Variants in TP53INP2 observed in about 807,000 individuals in gnomAD.
TP53INP2 encodes the protein tumor protein p53-inducible nuclear protein 2.
A neutral mutation model predicts 17.1 loss-of-function variants in TP53INP2; 12 were observed. The observed-to-expected ratio is 0.70, with a 90% CI of 0.45 to 1.14. The LOEUF is 1.14. Among genes scored for constraint, TP53INP2 ranks in the 50% most tolerant of loss-of-function variants. The probability of loss-of-function intolerance (pLI) is 0.00; values close to 1 mark genes in which losing one functional copy is unlikely to be tolerated. For synonymous variants in TP53INP2, 145 were observed against 147.3 expected, an observed-to-expected ratio of 0.98 and a Z score of 0.12; for missense variants, 342 against 330.9, an observed-to-expected ratio of 1.03 and a Z score of -0.26.
At position 34,708,854 on chromosome 20, in the gene TP53INP2, G is replaced by C; in HGVS notation, c.115G>C (p.Asp39His). The C allele has an allele frequency of 6.2e-7, 1 of 1,613,262 alleles. No homozygotes were observed. Among genetic ancestry groups the C allele is most frequent in the Non-Finnish European group, 8.5e-7 (1 of 1,179,580 alleles). ...EDEVDGWLII[D>H]LPDSYAAPPS... The stretch of plus-strand genomic sequence containing the variant: ...TGAAGTGGACGGCTGGCTCATCATT[G>C]ACCTGCCGGGTGAGGCCTGGGTCTG... Residue 39 changes from aspartate to histidine, a missense_variant, in exon 3 of 5, where the codon GAC becomes CAC. Physicochemically the swap from Asp to His is moderately conservative, Grantham distance 81 (BLOSUM62 -1). Transcript: ENST00000374810.
Position 34,709,012 on chromosome 20 carries a change from G to T in TP53INP2, c.124+149G>T, listed in dbSNP as rs1428924099. ...CGGGGCCCCTTCCCATGAAAGCCGG[G>T]GCTCTCTCCTGGCGGCCCAGGAGAG... On this transcript the variant is annotated intron_variant, in intron 3 of 4. Coordinates refer to ENST00000374810, the MANE Select transcript of TP53INP2 (RefSeq NM_021202.3). The surrounding 1 kb of genome is among the most constrained non-coding windows in gnomAD (Gnocchi z 5.4). 6.4e-6 allele frequency: 9 copies of T among 1,415,104 alleles called. No individual in the cohort carries two copies. The East Asian group carries it at 1.2e-4, about 19-fold the overall frequency. The allele number at this position is 1,415,104 out of a possible 1,614,324, so 87.7% of individuals were successfully genotyped here.
Position 34,709,122 on chromosome 20 carries a change from T to C in TP53INP2, c.125-114T>C. ...GGGCGCTGCGGACGGGCTGCGGGTC[T>C]GACTAACGATGCCCTTTCTCTCCCC... On this transcript the variant is annotated intron_variant, in intron 3 of 4. Coordinates refer to ENST00000374810, the MANE Select transcript of TP53INP2 (RefSeq NM_021202.3). This position sits in a 1 kb window ranked among gnomAD's most constrained non-coding sequence, Gnocchi z 5.4. 3.5e-6 allele frequency: 5 copies of C among 1,446,010 alleles called. No individual in the cohort carries two copies. The highest frequency in any genetic ancestry group is 4.5e-6 in the Non-Finnish European group (5 of 1,103,544). 89.6% of individuals were successfully genotyped at this position (1,446,010 alleles called of 1,614,324 possible). A position where few individuals can be genotyped will look rare whatever the true frequency, so the allele number is the denominator to read the frequency against.
rs2378257 is a variant in TP53INP2, at chr20:34,710,007, A to T, written c.414-51A>T. 286 of 1,257,148 alleles carry T rather than the reference A, an allele frequency of 2.3e-4. 3 individuals carry two copies. The highest frequency in any genetic ancestry group is 6.6e-4 in the Middle Eastern group (2 of 3,014). 77.9% of individuals were successfully genotyped at this position (1,257,148 alleles called of 1,614,324 possible). A position where few individuals can be genotyped will look rare whatever the true frequency, so the allele number is the denominator to read the frequency against. On this transcript the variant is annotated intron_variant, in intron 4 of 4. Transcript: ENST00000374810. The surrounding 1 kb of genome is among the most constrained non-coding windows in gnomAD (Gnocchi z 4.9). ...GGTGGGAGATGGCAGCGCCCTCTAG[A>T]CCCCCCGCCCAGCTTACCCGGCTTG...
rs752788594 is a variant in TP53INP2 at position 34,708,776 on chromosome 20, CCCTCG to C, written c.40_44del (p.Ser14ProfsTer16). Reference sequence around the variant, plus strand: ...CCTCTCCAGCCTCTTCTTCAGCACCCCCTCGCCCCCCGAAGACCCCGACTGCCCCC... The same window carrying C: ...CCTCTCCAGCCTCTTCTTCAGCACCCCCCCCCGAAGACCCCGACTGCCCCC... On this transcript the variant is annotated frameshift_variant, in exon 3 of 5. Coordinates refer to ENST00000374810, the MANE Select transcript of TP53INP2 (RefSeq NM_021202.3). LOFTEE classifies it high-confidence loss of function. The C allele has an allele frequency of 6.2e-7, 1 of 1,601,172 alleles. No individual in the cohort carries two copies. The highest frequency in any genetic ancestry group is 8.5e-7 in the Non-Finnish European group (1 of 1,173,976).
chr20:34,709,276 CCCCGCGGGCCGCCCTCCG>C lies in TP53INP2; in HGVS notation c.172_189del (p.Gly58_Ala63del), dbSNP rs1568684768. 5 of 1,600,948 alleles carry C rather than the reference CCCCGCGGGCCGCCCTCCG, an allele frequency of 3.1e-6. No individual in the cohort carries two copies. Among genetic ancestry groups the C allele is most frequent in the Non-Finnish European group, 3.4e-6 (4 of 1,173,764 alleles). On this transcript the variant is annotated inframe_deletion, in exon 4 of 5. Coordinates refer to ENST00000374810, the MANE Select transcript of TP53INP2 (RefSeq NM_021202.3). The surrounding 1 kb of genome is among the most constrained non-coding windows in gnomAD (Gnocchi z 5.4). ...CACCCAGCCCCGGGGCCGCCCCTGC[CCCCGCGGGCCGCCCTCCG>C]CCCGCGCCCTCCTTGATGGACGAGA...
chr20:34,709,633 AG>A lies in TP53INP2; in HGVS notation c.413+114del. 1 of 1,447,156 alleles carries A rather than the reference AG, an allele frequency of 6.9e-7. No individual in the cohort carries two copies. The highest frequency in any genetic ancestry group is 9.0e-7 in the Non-Finnish European group (1 of 1,107,674). The allele number at this position is 1,447,156 out of a possible 1,614,324, so 89.6% of individuals were successfully genotyped here. ...GGGCCAGGAGCCCGCCCCGCGCTCG[AG>A]GGGGTAGCGGCCTTGGGAGGGTTGC... On this transcript the variant is annotated intron_variant, in intron 4 of 4. Transcript: ENST00000374810. This position sits in a 1 kb window ranked among gnomAD's most constrained non-coding sequence, Gnocchi z 5.4.
At position 34,712,668 on chromosome 20, in the gene TP53INP2, C is replaced by T. The variant is rs752655939; in HGVS notation, c.*2361C>T. The T allele has an allele frequency of 1.3e-5, 2 of 152,536 alleles. No homozygotes were observed. The highest frequency in any genetic ancestry group is 2.4e-5 in the African/African-American group (1 of 41,402). 9.4% of individuals were successfully genotyped at this position (152,536 alleles called of 1,614,324 possible). A position where few individuals can be genotyped will look rare whatever the true frequency, so the allele number is the denominator to read the frequency against. ...GCATGCTTCAGGATTTTTTTTTAAA[C>T]CACAGAACTTGAATACATGAGGGAA... On this transcript the variant is annotated 3_prime_UTR_variant, in exon 5 of 5. Transcript: ENST00000374810.
intron 2 of TP53INP2, 110 bp from the exon 3 acceptor site, chr20:34,708,579 TTG>T: frequency 1.7e-6 from 1 of 594,276 alleles, no homozygotes; most frequent in Non-Finnish European, 2.9e-6. Context: ...CACATCCCCG[TTG>T]TGTGTACCCT....
At position 34,710,132 on chromosome 20, in the gene TP53INP2, T is replaced by G; in HGVS notation, c.488T>G (p.Leu163Arg). Reference sequence around the variant, plus strand: ...CCTCTCCCAGCGCGGGCGGCGCTGCTGGAGAAGGCGGGCCAGGTGCGGCGG... The same window carrying G: ...CCTCTCCCAGCGCGGGCGGCGCTGCGGGAGAAGGCGGGCCAGGTGCGGCGG... Reference protein sequence around the residue: ...AAPLPARAALLEKAGQVRRLQ... With the variant: ...AAPLPARAALREKAGQVRRLQ... The change falls in exon 5 of 5, where the codon CTG (leucine) becomes CGG (arginine). Residue 163 changes from leucine (L) to arginine (R), a missense_variant. Transcript: ENST00000374810. The surrounding 1 kb of genome is among the most constrained non-coding windows in gnomAD (Gnocchi z 4.9). The G allele has an allele frequency of 7.9e-7, 1 of 1,268,804 alleles. No homozygotes were observed. The highest frequency in any genetic ancestry group is 1.5e-5 in the African/African-American group (1 of 64,540). 78.6% of individuals were successfully genotyped at this position (1,268,804 alleles called of 1,614,324 possible).
chr20:34,705,859 G>A (rs1432157486), intron 2 of TP53INP2, among the ~76,000 whole-genome samples: 1 of 152,152 alleles, frequency 6.6e-6, no homozygotes, highest in Non-Finnish European at 1.5e-5. Context: ...GAGCAGAACT[G>A]GGAATGTGAG....
chr20:34,709,437 A>C lies in TP53INP2; in HGVS notation c.326A>C (p.Tyr109Ser). The C allele has an allele frequency of 1.2e-6, 2 of 1,613,728 alleles. No homozygotes were observed. Among genetic ancestry groups the C allele is most frequent in the Non-Finnish European group, 8.5e-7 (1 of 1,179,848 alleles). ...ATCGAGCACCCCAGCATGTCCGTTTACGTCACCGGCAGCACCATAGTGCTA... is the reference window on the plus strand; with the variant it reads ...ATCGAGCACCCCAGCATGTCCGTTTCCGTCACCGGCAGCACCATAGTGCTA... ...LLIEHPSMSVYVTGSTIVLEP... is the reference protein window; with the variant it reads ...LLIEHPSMSVSVTGSTIVLEP... The change falls in exon 4 of 5, where the codon TAC becomes TCC. Residue 109 changes from tyrosine (Y) to serine (S), a missense_variant. Physicochemically the swap from Tyr to Ser is moderately radical, Grantham distance 144. Transcript: ENST00000374810. The surrounding 1 kb of genome is among the most constrained non-coding windows in gnomAD (Gnocchi z 5.4).
intron 2 of TP53INP2, 98 bp from the exon 3 acceptor site, chr20:34,708,591 TTC>T: frequency 1.5e-6 from 1 of 653,318 alleles, no homozygotes; most frequent in Non-Finnish European, 2.6e-6. Flanking sequence ...GTGTGTACCC[TTC>T]TCCCTGCTCT....
Position 34,710,292 on chromosome 20 carries a change from C to A in TP53INP2, c.648C>A (p.Arg216=). The A allele has an allele frequency of 7.1e-7, 1 of 1,406,830 alleles. No homozygotes were observed. The highest frequency in any genetic ancestry group is 9.4e-7 in the Non-Finnish European group (1 of 1,068,360). 87.1% of individuals were successfully genotyped at this position (1,406,830 alleles called of 1,614,324 possible). Residue 216 remains arginine, a synonymous_variant, in exon 5 of 5, where the codon CGC becomes CGA. Coordinates refer to ENST00000374810, the MANE Select transcript of TP53INP2 (RefSeq NM_021202.3). This position sits in a 1 kb window ranked among gnomAD's most constrained non-coding sequence, Gnocchi z 4.9. ...GCTTCATCTACCAGCCGTGCCAGCG[C>A]CAGTTCAACTACTGAGCGTCCACCG... is the stretch of plus-strand genomic sequence containing the variant. ...QSSFIYQPCQ[R]QFNY
rs1988236699 is a variant in TP53INP2 at position 34,712,719 on chromosome 20, T to C, written c.*2412T>C. ...CCAGAGTTCAAAGTCCTATGCAACC[T>C]TAGGAGGGGGTTAGAGAGTCTGTTT... On this transcript the variant is annotated 3_prime_UTR_variant, in exon 5 of 5. Coordinates refer to ENST00000374810, the MANE Select transcript of TP53INP2 (RefSeq NM_021202.3). 1 of 152,540 alleles carries C rather than the reference T, an allele frequency of 6.6e-6. No homozygotes were observed. Among genetic ancestry groups the C allele is most frequent in the Non-Finnish European group, 1.5e-5 (1 of 68,032 alleles). 9.4% of individuals were successfully genotyped at this position (152,540 alleles called of 1,614,324 possible). A position where few individuals can be genotyped will look rare whatever the true frequency, so the allele number is the denominator to read the frequency against.
At position 34,710,233 on chromosome 20, in the gene TP53INP2, G is replaced by A. The variant is rs1988149653; in HGVS notation, c.589G>A (p.Glu197Lys). 1.3e-6 allele frequency: 2 copies of A among 1,483,716 alleles called. No individual in the cohort carries two copies. Among genetic ancestry groups the A allele is most frequent in the Non-Finnish European group, 1.8e-6 (2 of 1,106,478 alleles). 91.9% of individuals were successfully genotyped at this position (1,483,716 alleles called of 1,614,324 possible). Residue 197 changes from glutamate (E) to lysine (K), a missense_variant, in exon 5 of 5, where the codon GAG becomes AAG. Transcript: ENST00000374810. This position sits in a 1 kb window ranked among gnomAD's most constrained non-coding sequence, Gnocchi z 4.9. Reference sequence around the variant, plus strand: ...GGTGCAGCGGCAGAACCGAGCCCGCGAGAGCCGTCCGCGCCGGTCCAAGAA... The same window carrying A: ...GGTGCAGCGGCAGAACCGAGCCCGCAAGAGCCGTCCGCGCCGGTCCAAGAA... ...KAVQRQNRAR[E>K]SRPRRSKNQS...
Position 34,709,773 on chromosome 20 carries a change from T to C in TP53INP2, c.413+249T>C, listed in dbSNP as rs1988121378. Among the ~76,000 whole-genome samples, 1 of 149,256 alleles carries C rather than the reference T, an allele frequency of 6.7e-6. No homozygotes were observed. The highest frequency in any genetic ancestry group is 2.5e-5 in the African/African-American group (1 of 39,628). ...CGTGGCCAAGAGGCTGGGGCCGGGGTTGGAGGCTTGAGGAGCGTGGCTGGA... is the reference window on the plus strand; with the variant it reads ...CGTGGCCAAGAGGCTGGGGCCGGGGCTGGAGGCTTGAGGAGCGTGGCTGGA... On this transcript the variant is annotated intron_variant, in intron 4 of 4. Transcript: ENST00000374810. The surrounding 1 kb of genome is among the most constrained non-coding windows in gnomAD (Gnocchi z 5.4).
At chr20:34,706,328 CT>C (rs1448814439) in intron 2 of TP53INP2, among the ~76,000 whole-genome samples, 2 of 152,186 alleles carry the variant, frequency 1.3e-5, no homozygotes, top group African/African-American at 4.8e-5. Flanking sequence ...AGATTTATGT[CT>C]TCTTTCTGAT....
In TP53INP2 at chr20:34,712,714, CA is replaced by C. The variant is rs1330959594; in HGVS notation, c.*2409del. On this transcript the variant is annotated 3_prime_UTR_variant, in exon 5 of 5. Coordinates refer to ENST00000374810, the MANE Select transcript of TP53INP2 (RefSeq NM_021202.3). ...GGGAACCAGAGTTCAAAGTCCTATGCAACCTTAGGAGGGGGTTAGAGAGTCT... is the reference window on the plus strand; with the variant it reads ...GGGAACCAGAGTTCAAAGTCCTATGCACCTTAGGAGGGGGTTAGAGAGTCT... 2 of 152,566 alleles carry C rather than the reference CA, an allele frequency of 1.3e-5. No homozygotes were observed. Among genetic ancestry groups the C allele is most frequent in the Non-Finnish European group, 2.9e-5 (2 of 68,046 alleles). 9.5% of individuals were successfully genotyped at this position (152,566 alleles called of 1,614,324 possible). A position where few individuals can be genotyped will look rare whatever the true frequency, so the allele number is the denominator to read the frequency against.
Position 34,710,220 on chromosome 20 carries a change from G to T in TP53INP2, c.576G>T (p.Gln192His). 1.3e-6 allele frequency: 2 copies of T among 1,488,434 alleles called. No homozygotes were observed. Among genetic ancestry groups the T allele is most frequent in the Non-Finnish European group, 1.8e-6 (2 of 1,109,898 alleles). The allele number at this position is 1,488,434 out of a possible 1,614,324, so 92.2% of individuals were successfully genotyped here. A position where few individuals can be genotyped will look rare whatever the true frequency, so the allele number is the denominator to read the frequency against. ...TGAGCGCCAAGGCGGTGCAGCGGCA[G>T]AACCGAGCCCGCGAGAGCCGTCCGC... ...HALSAKAVQR[Q>H]NRARESRPRR... The change falls in exon 5 of 5, where the codon CAG (glutamine) becomes CAT (histidine). Residue 192 changes from glutamine (Q) to histidine (H), a missense_variant. Physicochemically the swap from Gln to His is conservative, Grantham distance 24 (BLOSUM62 0). Transcript: ENST00000374810. The surrounding 1 kb of genome is among the most constrained non-coding windows in gnomAD (Gnocchi z 4.9).
Sources: gnomAD v4.1 joint callset for allele counts (sites outside exome capture counted in the v4.1 genomes callset) on GRCh38, gnomAD v4.1.1 for gene constraint, Gnocchi (gnomAD v3.1) non-coding constraint, MANE v1.5 for transcripts, NCBI Gene and HGNC (gene_info 2026-07-23, HGNC 2026-07-21) for gene names.